TENM4: variants seen among roughly 807,000 people sequenced by gnomAD.
The protein encoded by TENM4 is teneurin transmembrane protein 4.
In TENM4, 82 loss-of-function variants were observed where a neutral mutation model predicts 243.3. The observed-to-expected ratio is 0.34, with a 90% CI of 0.28 to 0.40. The LOEUF is 0.40. Among genes scored for constraint, TENM4 ranks in the 10% least tolerant of loss-of-function variants. The pLI is 1.00. For synonymous variants in TENM4, 1,412 were observed against 1,456.3 expected, an observed-to-expected ratio of 0.97 and a Z score of 0.69; for missense variants, 3,138 against 3,673.3, an observed-to-expected ratio of 0.85 and a Z score of 3.77.
At chr11:79,173,178 G>T (rs566750631) in intron 3 of TENM4, among the ~76,000 whole-genome samples, 65 of 152,020 alleles carry the variant, frequency 4.3e-4, no homozygotes, top group Non-Finnish European at 1.5e-4. Context: ...ACATTTTATC[G>T]ACCAGGCTCA....
intron 24 of TENM4, among the ~76,000 whole-genome samples, chr11:78,721,897 A>T (rs918217690): frequency 6.6e-6 from 1 of 152,068 alleles, no homozygotes; most frequent in Non-Finnish European, 1.5e-5. Context: ...CCACCCTATG[A>T]CAGTGCCCTG....
At position 78,952,113 on chromosome 11, in the gene TENM4, C is replaced by T. The variant is rs1015987234; in HGVS notation, c.494-48590G>A. 3.9e-5 allele frequency among the ~76,000 whole-genome samples: 6 copies of T among 152,302 alleles called. No homozygotes were observed. The East Asian group carries it at 9.6e-4, about 24-fold the overall frequency. On this transcript the variant is annotated intron_variant, in intron 6 of 33. Coordinates refer to ENST00000278550, the MANE Select transcript of TENM4 (RefSeq NM_001098816.3). ...GGGTGAGCTGACTGCTTTCTATCCTCCATGGACCCTGGCACACAGTAGGTC... is the reference window on the plus strand; with the variant it reads ...GGGTGAGCTGACTGCTTTCTATCCTTCATGGACCCTGGCACACAGTAGGTC...
chr11:78,702,486 G>A (rs1221940287), intron 27 of TENM4, 83 bp from the exon 28 acceptor site: 1 of 1,492,994 alleles, frequency 6.7e-7, no homozygotes, highest in Non-Finnish European at 9.0e-7. Context: ...GCCCATAACA[G>A]TGTCCAAAGT....
chr11:79,161,043 C>G (rs534936074), intron 3 of TENM4, among the ~76,000 whole-genome samples: 1 of 152,166 alleles, frequency 6.6e-6, no homozygotes, highest in Non-Finnish European at 1.5e-5. Context: ...ATCTTTGTCT[C>G]TGGGGTTAAG....
chr11:79,090,733 G>A (rs1860925395), intron 4 of TENM4, among the ~76,000 whole-genome samples: 1 of 152,220 alleles, frequency 6.6e-6, no homozygotes, highest in East Asian at 1.9e-4. Context: ...GGGAACTCAA[G>A]CCCTGGCCTT....
At chr11:78,898,497 G>T (rs1855846376) in intron 7 of TENM4, among the ~76,000 whole-genome samples, 1 of 152,164 alleles carries the variant, frequency 6.6e-6, no homozygotes, top group Admixed American at 6.5e-5. Context: ...CATTCTGGTG[G>T]GGACTGGCCC....
chr11:78,664,525 G>A (rs2135646022), intron 32 of TENM4, among the ~76,000 whole-genome samples: 1 of 152,324 alleles, frequency 6.6e-6, no homozygotes, highest in East Asian at 1.9e-4. Flanking sequence ...GCACCTGGCA[G>A]ATTTAATGTG....
intron 29 of TENM4, 89 bp downstream of exon 29, chr11:78,687,965 C>T (rs887481575): frequency 1.0e-4 from 151 of 1,469,840 alleles, no homozygotes; most frequent in Middle Eastern, 2.4e-4. Context: ...TGGGCAGCTC[C>T]AGCAGCAGCC....
At chr11:79,344,153 T>C (rs982808626) in intron 1 of TENM4, among the ~76,000 whole-genome samples, 2 of 152,184 alleles carry the variant, frequency 1.3e-5, no homozygotes, top group African/African-American at 2.4e-5. Context: ...ACTTAATAAA[T>C]ATTTGTTGAA....
chr11:78,815,188 C>A (rs895951063), intron 12 of TENM4, among the ~76,000 whole-genome samples: 1 of 152,116 alleles, frequency 6.6e-6, no homozygotes. Context: ...AAGTTTGAGA[C>A]CAGCCTGGCC....
At chr11:78,990,252 G>A (rs1213850043) in intron 6 of TENM4, among the ~76,000 whole-genome samples, 1 of 152,156 alleles carries the variant, frequency 6.6e-6, no homozygotes, top group African/African-American at 2.4e-5. Flanking sequence ...CTCAGACAGA[G>A]TGGCTGAGCT....
At chr11:78,911,125 T>C (rs974940628) in intron 6 of TENM4, among the ~76,000 whole-genome samples, 1 of 152,204 alleles carries the variant, frequency 6.6e-6, no homozygotes, top group Non-Finnish European at 1.5e-5. Flanking sequence ...CCTCATTGTA[T>C]GATGCAGTGG....
chr11:79,059,980 C>T (rs1288520966), intron 6 of TENM4, among the ~76,000 whole-genome samples: 1 of 152,232 alleles, frequency 6.6e-6, no homozygotes. Context: ...AGCCCTGCCT[C>T]CCTCACCGGT....
At chr11:79,379,070 G>C (rs761958923) in intron 1 of TENM4, among the ~76,000 whole-genome samples, 3 of 152,120 alleles carry the variant, frequency 2.0e-5, no homozygotes, top group Non-Finnish European at 4.4e-5. Context: ...ATGAGAGTGT[G>C]AGGAAATGCA....
At chr11:78,900,655 G>A (rs894135810) in intron 7 of TENM4, among the ~76,000 whole-genome samples, 8 of 152,156 alleles carry the variant, frequency 5.3e-5, no homozygotes, top group East Asian at 3.9e-4. Context: ...TGAGAGGCAC[G>A]AATTCTTATC....
intron 1 of TENM4, among the ~76,000 whole-genome samples, chr11:79,437,881 G>A (rs1043813167): frequency 2.0e-5 from 3 of 152,144 alleles, no homozygotes; most frequent in African/African-American, 7.2e-5. Context: ...CCGGGTTAAA[G>A]GCTCCTTCAG....
At chr11:79,350,258 G>A (rs1292924324) in intron 1 of TENM4, among the ~76,000 whole-genome samples, 2 of 152,214 alleles carry the variant, frequency 1.3e-5, no homozygotes, top group Admixed American at 6.5e-5. Context: ...CAACAATCAC[G>A]AATTAGCTGC....
At chr11:78,861,004 C>T (rs771277108) in intron 10 of TENM4, among the ~76,000 whole-genome samples, 38 of 152,184 alleles carry the variant, frequency 2.5e-4, no homozygotes, top group Non-Finnish European at 3.7e-4. Flanking sequence ...GTTTAAAGAA[C>T]GTCTGATAGA....
intron 4 of TENM4, among the ~76,000 whole-genome samples, chr11:79,105,521 G>A (rs1861344290): frequency 6.6e-6 from 1 of 152,200 alleles, no homozygotes; most frequent in Admixed American, 6.5e-5. Flanking sequence ...CACATCACAA[G>A]CTATAATATA....
Sources: gnomAD v4.1 joint callset for allele counts (sites outside exome capture counted in the v4.1 genomes callset) on GRCh38, gnomAD v4.1.1 for gene constraint, MANE v1.5 for transcripts, NCBI Gene and HGNC (gene_info 2026-07-23, HGNC 2026-07-21) for gene names.